Variants in ANKS1B observed in about 807,000 individuals in gnomAD.
ANKS1B encodes ankyrin repeat and sterile alpha motif domain-containing protein 1B.
A neutral mutation model predicts 148.3 loss-of-function variants in ANKS1B; 36 were observed. The ratio of observed to expected loss-of-function variants is 0.24; its 90% CI spans 0.19 to 0.32. The LOEUF (loss-of-function observed/expected upper bound fraction) is 0.32. ANKS1B is among the 10% of genes least tolerant of loss of function. The probability of loss-of-function intolerance (pLI) is 1.00; values close to 1 mark genes in which losing one functional copy is unlikely to be tolerated. For synonymous variants in ANKS1B, 542 were observed against 560.8 expected, an observed-to-expected ratio of 0.97 and a Z score of 0.47; for missense variants, 1,157 against 1,542.6, an observed-to-expected ratio of 0.75 and a Z score of 4.19.
intron 14 of ANKS1B, among the ~76,000 whole-genome samples, chr12:99,172,510 T>C (rs755526258): frequency 1.3e-5 from 2 of 152,150 alleles, no homozygotes; most frequent in Non-Finnish European, 2.9e-5. Flanking sequence ...TATTCTTAGT[T>C]TCCTAGAACA....
At chr12:99,369,338 A>T (rs1043663149) in intron 12 of ANKS1B, among the ~76,000 whole-genome samples, 1 of 152,228 alleles carries the variant, frequency 6.6e-6, no homozygotes, top group African/African-American at 2.4e-5. Flanking sequence ...AGACAAATAT[A>T]GAATGTGATA....
At chr12:98,913,943 G>T (rs2099790425) in intron 17 of ANKS1B, among the ~76,000 whole-genome samples, 2 of 152,144 alleles carry the variant, frequency 1.3e-5, no homozygotes, top group South Asian at 4.1e-4. Context: ...TTTTCTTTAT[G>T]TCAGTTAGGG....
intron 8 of ANKS1B, among the ~76,000 whole-genome samples, chr12:99,677,733 G>A (rs1370157912): frequency 1.3e-5 from 2 of 152,162 alleles, no homozygotes; most frequent in African/African-American, 2.4e-5. Context: ...CAGCACTTTG[G>A]GAGGCTGAGG....
At position 99,770,307 on chromosome 12, in the gene ANKS1B, T is replaced by C. The variant is rs1362116218; in HGVS notation, c.1128+2615A>G. The stretch of plus-strand genomic sequence containing the variant: ...CTACACACTGTGACTGAAGTCTCCT[T>C]AGGATAGGTGTTTTGAAACACTTGA... On this transcript the variant is annotated intron_variant, in intron 8 of 26. Transcript: ENST00000683438. Among the ~76,000 whole-genome samples, 59 of 151,796 alleles carry C rather than the reference T, an allele frequency of 3.9e-4. 1 individual carries two copies. The highest frequency in any genetic ancestry group is 3.7e-3 in the Admixed American group (57 of 15,244).
intron 19 of ANKS1B, among the ~76,000 whole-genome samples, chr12:98,820,389 C>T (rs939277680): frequency 1.2e-4 from 18 of 152,138 alleles, no homozygotes; most frequent in African/African-American, 2.2e-4. Context: ...TAAGCTAGAC[C>T]GATGATACGC....
intron 12 of ANKS1B, among the ~76,000 whole-genome samples, chr12:99,251,946 C>G (rs899098699): frequency 1.3e-5 from 2 of 152,058 alleles, no homozygotes; most frequent in East Asian, 3.9e-4. Flanking sequence ...CAATGTCCTG[C>G]CTTCATGGTG....
chr12:99,937,268 G>T (rs1260037049), intron 1 of ANKS1B, among the ~76,000 whole-genome samples: 2 of 152,134 alleles, frequency 1.3e-5, no homozygotes. Context: ...GGGCCATTCT[G>T]CCAGGCCAAA....
chr12:98,794,511 T>C (rs1444567332), intron 22 of ANKS1B: 2 of 565,808 alleles, frequency 3.5e-6, no homozygotes, highest in Non-Finnish European at 6.6e-6. Flanking sequence ...GTTATTTCTG[T>C]CTGGGGCCCA....
intron 8 of ANKS1B, among the ~76,000 whole-genome samples, chr12:99,741,800 G>A (rs1232882979): frequency 1.3e-5 from 2 of 151,994 alleles, no homozygotes; most frequent in Non-Finnish European, 2.9e-5. Context: ...GTAGATGAGA[G>A]ATTGATGGGT....
chr12:98,735,108 G>A (rs909974847), exon 10 of ANKS1B: 1 of 398,494 alleles, frequency 2.5e-6, no homozygotes, highest in African/African-American at 2.1e-5. Context: ...GAAAGACAAG[G>A]TAACATGAAG....
intron 19 of ANKS1B, among the ~76,000 whole-genome samples, chr12:98,827,566 C>T (rs1286782997): frequency 1.3e-5 from 2 of 152,092 alleles, no homozygotes; most frequent in Non-Finnish European, 2.9e-5. Flanking sequence ...TACTACTGCC[C>T]CTGCTTTCGA....
intron 8 of ANKS1B, among the ~76,000 whole-genome samples, chr12:99,686,744 A>G (rs938657575): frequency 1.2e-4 from 19 of 152,156 alleles, no homozygotes; most frequent in Non-Finnish European, 2.1e-4. Flanking sequence ...ACCTTAGAAC[A>G]GTATACTTTC....
chr12:99,945,128 G>A (rs1162135282), intron 1 of ANKS1B, among the ~76,000 whole-genome samples: 1 of 152,134 alleles, frequency 6.6e-6, no homozygotes, highest in Non-Finnish European at 1.5e-5. Flanking sequence ...CAAAGACAAA[G>A]ATATGAAATG....
chr12:99,514,352 A>G (rs536272996), intron 9 of ANKS1B, among the ~76,000 whole-genome samples: 6 of 152,200 alleles, frequency 3.9e-5, no homozygotes, highest in African/African-American at 1.2e-4. Flanking sequence ...AACATTTGTC[A>G]AAGTCTGAAA....
chr12:99,122,433 A>G (rs1237964032), intron 15 of ANKS1B, among the ~76,000 whole-genome samples: 1 of 152,224 alleles, frequency 6.6e-6, no homozygotes, highest in Non-Finnish European at 1.5e-5. Flanking sequence ...GAATCTTCAA[A>G]TATTTCTAAT....
At chr12:99,651,717 T>G (rs2098420563) in intron 9 of ANKS1B, among the ~76,000 whole-genome samples, 1 of 152,198 alleles carries the variant, frequency 6.6e-6, no homozygotes, top group Admixed American at 6.5e-5. Context: ...CTTAAAATTC[T>G]AAAACAATAC....
chr12:99,676,423 T>C (rs2098571560), intron 8 of ANKS1B, among the ~76,000 whole-genome samples: 1 of 152,188 alleles, frequency 6.6e-6, no homozygotes, highest in Admixed American at 6.5e-5. Flanking sequence ...AACAAGCTTT[T>C]TAAAGAAAAA....
At chr12:98,898,547 C>T (rs1363585529) in intron 17 of ANKS1B, among the ~76,000 whole-genome samples, 6 of 152,040 alleles carry the variant, frequency 3.9e-5, no homozygotes, top group African/African-American at 9.7e-5. Flanking sequence ...TAGAAGCAGG[C>T]GTAAAACCAT....
In ANKS1B at chr12:99,795,950, T is replaced by C. The variant is rs139376517; in HGVS notation, c.669+10454A>G. Among the ~76,000 whole-genome samples the C allele has an allele frequency of 9.1e-3, 1,391 of 152,156 alleles. 16 individuals carry two copies. The highest frequency in any genetic ancestry group is 0.031 in the African/African-American group (1,297 of 41,554). On this transcript the variant is annotated intron_variant, in intron 4 of 26. Coordinates refer to ENST00000683438, the MANE Select transcript of ANKS1B (RefSeq NM_001352186.2). ...TCAGATAGAGGATTCATTCTTACCATAGATCTTAGCAACCTCTGTGTACAA... is the reference window on the plus strand; with the variant it reads ...TCAGATAGAGGATTCATTCTTACCACAGATCTTAGCAACCTCTGTGTACAA...
Sources: gnomAD v4.1 joint callset for allele counts (sites outside exome capture counted in the v4.1 genomes callset) on GRCh38, gnomAD v4.1.1 for gene constraint, MANE v1.5 for transcripts, NCBI Gene and HGNC (gene_info 2026-07-23, HGNC 2026-07-21) for gene names.